The following TRIM9 variants were observed in gnomAD, a reference collection of about 807,000 sequenced individuals.
TRIM9 encodes the protein E3 ubiquitin-protein ligase TRIM9.
A neutral mutation model predicts 78.3 loss-of-function variants in TRIM9; 26 were observed. That is an observed-to-expected ratio of 0.33 (90% CI 0.24 to 0.46). The LOEUF (loss-of-function observed/expected upper bound fraction) is 0.46, where lower values mean the gene tolerates loss of function less well. Among genes scored for constraint, TRIM9 ranks in the 20% least tolerant of loss-of-function variants. TRIM9 has a pLI of 1.00. For missense variants in TRIM9, 787 were observed against 1,036.4 expected, an observed-to-expected ratio of 0.76 and a Z score of 3.30; for synonymous variants, 398 against 416.5, an observed-to-expected ratio of 0.96 and a Z score of 0.54.
chr14:50,986,896 T>A (rs2052787466), intron 7 of TRIM9, among the ~76,000 whole-genome samples: 1 of 152,232 alleles, frequency 6.6e-6, no homozygotes, highest in South Asian at 2.1e-4. Flanking sequence ...ATAGTCAGGT[T>A]TGGCCTGAAG....
At chr14:51,013,428 C>A (rs563422877) in intron 3 of TRIM9, among the ~76,000 whole-genome samples, 1 of 152,046 alleles carries the variant, frequency 6.6e-6, no homozygotes, top group African/African-American at 2.4e-5. Context: ...TGATTATTGT[C>A]GCTTTATAAT....
At chr14:51,068,000 A>G (rs2061898045) in intron 1 of TRIM9, among the ~76,000 whole-genome samples, 1 of 152,234 alleles carries the variant, frequency 6.6e-6, no homozygotes, top group South Asian at 2.1e-4. Flanking sequence ...CTTGCTGAAT[A>G]CATGAATTAA....
chr14:51,009,150 G>C lies in TRIM9; in HGVS notation c.1236C>G (p.Asp412Glu). The change falls in exon 5 of 13, where the codon GAC becomes GAG. Residue 412 changes from aspartate (D) to glutamate (E), a missense_variant. Around this residue, in one of 3 missense-constraint regions of TRIM9, gnomAD observed 421 missense variants for 514.3 expected, o/e 0.82. Coordinates refer to ENST00000684578, the MANE Select transcript of TRIM9 (RefSeq NM_001387360.1). ...KGTLTPRMTT[D>E]FDLSLDNSPL... is the part of the protein sequence containing the mutation. ...GGCTGTTGTCCAGACTCAAGTCAAA[G>C]TCCGTGGTCATCCTTGGAGTGAGTG... 6.2e-7 allele frequency: 1 copy of C among 1,614,118 alleles called. No individual in the cohort carries two copies. The highest frequency in any genetic ancestry group is 8.5e-7 in the Non-Finnish European group (1 of 1,179,970).
At chr14:51,034,313 T>A (rs552096262) in intron 1 of TRIM9, among the ~76,000 whole-genome samples, 1 of 152,290 alleles carries the variant, frequency 6.6e-6, no homozygotes, top group South Asian at 2.1e-4. Flanking sequence ...CAATGAGAAT[T>A]TAGGCCTTAA....
chr14:50,990,819 C>G (rs888363403), intron 7 of TRIM9, among the ~76,000 whole-genome samples: 1 of 152,102 alleles, frequency 6.6e-6, no homozygotes, highest in Non-Finnish European at 1.5e-5. Flanking sequence ...AGATGAGTTT[C>G]AACTCAATTA....
chr14:51,071,151 C>T (rs994753059), intron 1 of TRIM9, among the ~76,000 whole-genome samples: 4 of 151,772 alleles, frequency 2.6e-5, no homozygotes, highest in East Asian at 1.9e-4. Context: ...CCAGGGTGGG[C>T]GGATCACCTG....
rs146247862 is a variant in TRIM9 at position 50,997,983 on chromosome 14, C to T, written c.1603+67G>A. On this transcript the variant is annotated intron_variant, in intron 7 of 12. Coordinates refer to ENST00000684578, the MANE Select transcript of TRIM9 (RefSeq NM_001387360.1). The stretch of plus-strand genomic sequence containing the variant: ...ATGTGGGCAGTGGTGGGGTTACCTC[C>T]GGGCTTGCCAGCCACTTTAGATGCC... 1.3e-4 allele frequency: 214 copies of T among 1,602,854 alleles called. No individual in the cohort carries two copies. In the East Asian group the frequency reaches 4.6e-3, roughly 34 times the overall value.
intron 1 of TRIM9, among the ~76,000 whole-genome samples, chr14:51,029,260 C>G (rs1051833637): frequency 1.3e-5 from 2 of 152,172 alleles, no homozygotes; most frequent in Non-Finnish European, 2.9e-5. Flanking sequence ...AAAAGGGTCA[C>G]TCGAAGAGTT....
At chr14:51,078,591 C>T (rs766525625) in intron 1 of TRIM9, among the ~76,000 whole-genome samples, 30 of 152,056 alleles carry the variant, frequency 2.0e-4, no homozygotes, top group Non-Finnish European at 2.6e-4. Flanking sequence ...AATTATGCTA[C>T]GTGAAGTAAG....
intron 5 of TRIM9, among the ~76,000 whole-genome samples, chr14:51,001,519 GCGCCCGGC>G (rs2055043176): frequency 6.6e-6 from 1 of 151,984 alleles, no homozygotes; most frequent in Admixed American, 6.5e-5. Flanking sequence ...GTGAGCCACC[GCGCCCGGC>G]CGCTGTGCTA....
intron 7 of TRIM9, among the ~76,000 whole-genome samples, chr14:50,994,132 A>G (rs2053895652): frequency 5.3e-5 from 8 of 152,182 alleles, no homozygotes; most frequent in Admixed American, 5.2e-4. Context: ...TAGGGGCTAC[A>G]TGGTGGCTCA....
chr14:51,059,712 C>A (rs567850663), intron 1 of TRIM9, among the ~76,000 whole-genome samples: 1 of 151,186 alleles, frequency 6.6e-6, no homozygotes, highest in African/African-American at 2.4e-5. Flanking sequence ...GCAGGAGAAT[C>A]GCTTGAACCT....
chr14:51,081,177 T>A (rs1481573408), intron 1 of TRIM9, among the ~76,000 whole-genome samples: 1 of 152,156 alleles, frequency 6.6e-6, no homozygotes, highest in Non-Finnish European at 1.5e-5. Context: ...CCCAATTAAA[T>A]GAGAGCAAAG....
chr14:51,019,696 T>C (rs139005603), intron 3 of TRIM9, among the ~76,000 whole-genome samples: 1 of 152,290 alleles, frequency 6.6e-6, no homozygotes, highest in East Asian at 1.9e-4. Context: ...ACAGTTAATA[T>C]ACATTAAAGA....
chr14:51,073,642 G>A (rs10444714), intron 1 of TRIM9, among the ~76,000 whole-genome samples: 23,851 of 152,140 alleles, frequency 0.16, 2,029 homozygotes, highest in Middle Eastern at 0.21. Context: ...TGGTGTGGGC[G>A]CTCTGGACTG....
chr14:50,991,096 T>A (rs1429309908), intron 7 of TRIM9, among the ~76,000 whole-genome samples: 2 of 152,216 alleles, frequency 1.3e-5, no homozygotes, highest in Non-Finnish European at 2.9e-5. Flanking sequence ...CAAGGACAGA[T>A]GCATACTTCA....
intron 3 of TRIM9, among the ~76,000 whole-genome samples, chr14:51,012,638 GT>G (rs2056712295): frequency 6.6e-6 from 1 of 152,160 alleles, no homozygotes; most frequent in African/African-American, 2.4e-5. Flanking sequence ...TCACCATACT[GT>G]TTTCCATGGC....
intron 1 of TRIM9, among the ~76,000 whole-genome samples, chr14:51,031,247 C>T (rs2058716201): frequency 6.6e-6 from 1 of 151,928 alleles, no homozygotes; most frequent in Non-Finnish European, 1.5e-5. Flanking sequence ...CCTCTTCTTA[C>T]CTAGGCCTCA....
At chr14:51,033,891 T>C (rs1169807086) in intron 1 of TRIM9, among the ~76,000 whole-genome samples, 3 of 152,258 alleles carry the variant, frequency 2.0e-5, no homozygotes, top group African/African-American at 7.2e-5. Flanking sequence ...GTTTATATTA[T>C]GCATATTCTC....
Sources: allele counts gnomAD v4.1 joint callset (sites outside exome capture counted in the v4.1 genomes callset), GRCh38; gene constraint gnomAD v4.1.1; regional missense constraint gnomAD v4.1.1; transcripts MANE v1.5; gene names NCBI Gene and HGNC (gene_info 2026-07-23, HGNC 2026-07-21).